The following KIFAP3 variants were observed in gnomAD, a reference collection of about 807,000 sequenced individuals.
The protein encoded by KIFAP3 is kinesin-associated protein 3.
KIFAP3 carries 68 observed loss-of-function variants against 106.5 expected under a neutral mutation model. That is an observed-to-expected ratio of 0.64 (90% CI 0.53 to 0.78). KIFAP3 has a LOEUF of 0.78. Ranked by LOEUF, KIFAP3 falls within the 30% of genes least tolerant of loss-of-function variation. The pLI, the probability that KIFAP3 is intolerant of heterozygous loss-of-function variation, is 0.00. For synonymous variants in KIFAP3, 320 were observed against 311.5 expected (o/e 1.03, Z -0.29); for missense variants, 780 against 941.8 (o/e 0.83, Z 2.25).
intron 1 of KIFAP3, among the ~76,000 whole-genome samples, chr1:170,071,628 GGAACTAATCCATTCCCAAGA>G (rs1671708740): frequency 6.6e-6 from 1 of 152,026 alleles, no homozygotes; most frequent in Non-Finnish European, 1.5e-5. Flanking sequence ...AACTCTAGAG[GGAACTAATCCATTCCCAAGA>G]GAGCTAATCC....
intron 19 of KIFAP3, among the ~76,000 whole-genome samples, chr1:169,922,270 G>A (rs1662868927): frequency 6.6e-6 from 1 of 151,962 alleles, no homozygotes; most frequent in Non-Finnish European, 1.5e-5. Flanking sequence ...TCTCATGCAG[G>A]GCCAAATCAT....
At chr1:170,046,210 C>CAAAAAAAAA (rs60580320) in intron 3 of KIFAP3, among the ~76,000 whole-genome samples, 11,335 of 55,600 alleles carry the variant, frequency 0.2, 1,514 homozygotes, top group East Asian at 0.35. Flanking sequence ...TTCTCTGCTG[C>CAAAAAAAAA]AAAAAAAAAA....
chr1:169,998,397 T>TACACAC (rs1346595286), intron 10 of KIFAP3, among the ~76,000 whole-genome samples: 2 of 77,906 alleles, frequency 2.6e-5, no homozygotes, highest in African/African-American at 1.1e-4. Context: ...TATATATATA[T>TACACAC]ATACACACAC....
At chr1:170,043,572 C>T (rs901017831) in intron 3 of KIFAP3, among the ~76,000 whole-genome samples, 1 of 152,140 alleles carries the variant, frequency 6.6e-6, no homozygotes, top group African/African-American at 2.4e-5. Context: ...AGCTTCTCCT[C>T]ATGGTTCTTA....
chr1:170,026,057 G>A (rs991455518), intron 8 of KIFAP3, among the ~76,000 whole-genome samples: 1 of 152,152 alleles, frequency 6.6e-6, no homozygotes, highest in Non-Finnish European at 1.5e-5. Context: ...GACAGAGTGG[G>A]AAGAAGGCCA....
At chr1:169,924,400 A>ACTC (rs1325798650) in intron 19 of KIFAP3, among the ~76,000 whole-genome samples, 17 of 152,218 alleles carry the variant, frequency 1.1e-4, no homozygotes, top group African/African-American at 3.9e-4. Flanking sequence ...GAAAAAAGGA[A>ACTC]TAAAATTTGA....
chr1:169,923,856 T>C (rs1047763035), intron 19 of KIFAP3, among the ~76,000 whole-genome samples: 2 of 152,212 alleles, frequency 1.3e-5, no homozygotes, highest in African/African-American at 4.8e-5. Flanking sequence ...ACCTAGGCAA[T>C]TGCGTGGTGA....
chr1:169,974,777 C>G (rs1333629973), intron 16 of KIFAP3, among the ~76,000 whole-genome samples: 1 of 151,652 alleles, frequency 6.6e-6, no homozygotes, highest in Non-Finnish European at 1.5e-5. Flanking sequence ...ATTCTATATA[C>G]TTCACATGGT....
At chr1:170,071,702 A>G (rs563771618) in intron 1 of KIFAP3, among the ~76,000 whole-genome samples, 1 of 152,294 alleles carries the variant, frequency 6.6e-6, no homozygotes, top group East Asian at 1.9e-4. Flanking sequence ...CAAGAACAGC[A>G]CCAAGCCATT....
At chr1:170,053,513 A>AT (rs1278130679) in intron 2 of KIFAP3, among the ~76,000 whole-genome samples, 5 of 152,218 alleles carry the variant, frequency 3.3e-5, no homozygotes, top group Admixed American at 6.5e-5. Context: ...AAAAGAGCCC[A>AT]TATAGCCAAG....
intron 16 of KIFAP3, among the ~76,000 whole-genome samples, chr1:169,973,386 C>A: frequency 1.4e-5 from 2 of 147,410 alleles, no homozygotes; most frequent in Admixed American, 6.8e-5. Context: ...AAGAAGAAAA[C>A]CAATGTAACA....
intron 15 of KIFAP3, 150 bp downstream of exon 15, chr1:169,981,822 T>C: frequency 1.6e-6 from 1 of 623,096 alleles, no homozygotes; most frequent in Non-Finnish European, 2.7e-6. Context: ...GTTAGCAGTA[T>C]ATTTAATTCA....
chr1:169,932,640 A>C (rs1045760854), intron 19 of KIFAP3, among the ~76,000 whole-genome samples: 3 of 151,900 alleles, frequency 2.0e-5, no homozygotes, highest in Admixed American at 1.3e-4. Flanking sequence ...CACGGACATA[A>C]TACTAGTCTC....
intron 3 of KIFAP3, 108 bp downstream of exon 3, chr1:170,046,604 C>G (rs1451603094): frequency 2.3e-6 from 2 of 875,614 alleles, no homozygotes; most frequent in East Asian, 5.6e-5. Context: ...AAAACCTACC[C>G]AACATCAAAT....
At chr1:169,962,404 T>G (rs143882828) in intron 17 of KIFAP3, among the ~76,000 whole-genome samples, 8 of 152,268 alleles carry the variant, frequency 5.3e-5, no homozygotes, top group Non-Finnish European at 1.0e-4. Context: ...TACTGAGTAG[T>G]GTATTGCTTT....
At position 169,951,421 on chromosome 1, in the gene KIFAP3, T is replaced by C. The variant is rs544784613; in HGVS notation, c.2273+2590A>G. Among the ~76,000 whole-genome samples, 12 of 152,072 alleles carry C rather than the reference T, an allele frequency of 7.9e-5. No homozygotes were observed. The South Asian group carries it at 1.7e-3, about 21-fold the overall frequency. ...TATTAACTAATCTTTTAAGTCAATA[T>C]TACTGGGATATGTCTTTTGTGAAGT... On this transcript the variant is annotated intron_variant, in intron 19 of 19. Coordinates refer to ENST00000361580, the MANE Select transcript of KIFAP3 (RefSeq NM_014970.4).
At chr1:170,083,164 C>A (rs1672047114) in intron 1 of KIFAP3, among the ~76,000 whole-genome samples, 1 of 151,930 alleles carries the variant, frequency 6.6e-6, no homozygotes, top group Non-Finnish European at 1.5e-5. Context: ...AGAGACAAGC[C>A]AATATTTAAG....
chr1:169,996,920 G>A (rs1313457097), intron 10 of KIFAP3, among the ~76,000 whole-genome samples: 1 of 152,078 alleles, frequency 6.6e-6, no homozygotes, highest in Admixed American at 6.5e-5. Context: ...TTCCTGATGG[G>A]GCAAACTGCA....
At chr1:170,016,285 T>C (rs1008295326) in intron 10 of KIFAP3, among the ~76,000 whole-genome samples, 177 bp downstream of exon 10, 3 of 152,184 alleles carry the variant, frequency 2.0e-5, no homozygotes, top group Non-Finnish European at 4.4e-5. Flanking sequence ...CATAGCACCA[T>C]GGAAATCCTG....
Sources: allele counts gnomAD v4.1 joint callset (sites outside exome capture counted in the v4.1 genomes callset), GRCh38; gene constraint gnomAD v4.1.1; transcripts MANE v1.5; gene names NCBI Gene and HGNC (gene_info 2026-07-23, HGNC 2026-07-21).